Variants in SYT1 observed in about 807,000 individuals in gnomAD.
SYT1 encodes synaptotagmin 1.
SYT1 carries 8 observed loss-of-function variants against 44.8 expected under a neutral mutation model. That is an observed-to-expected ratio of 0.18 (90% confidence interval 0.10 to 0.32). The LOEUF (loss-of-function observed/expected upper bound fraction) is 0.32. Ranked by LOEUF, SYT1 falls within the 10% of genes least tolerant of loss-of-function variation. SYT1 has a pLI of 1.00. For synonymous variants in SYT1, 154 were observed against 188.8 expected (o/e 0.82, Z 1.51); for missense variants, 286 against 509.3 (o/e 0.56, Z 4.22).
At chr12:78,923,556 A>T (rs895623117) in intron 1 of SYT1, among the ~76,000 whole-genome samples, 22 of 104,494 alleles carry the variant, frequency 2.1e-4, no homozygotes, top group East Asian at 7.8e-4. Flanking sequence ...AGAACTATTT[A>T]AAAAAAATTT....
intron 3 of SYT1, among the ~76,000 whole-genome samples, chr12:79,210,644 T>G (rs940568511): frequency 1.1e-4 from 17 of 152,192 alleles, no homozygotes; most frequent in African/African-American, 3.9e-4. Context: ...TATCCACTCA[T>G]TGATTGATGG....
In SYT1 at chr12:79,361,043, C is replaced by T. The variant is rs117856264; in HGVS notation, c.928+7424C>T. On this transcript the variant is annotated intron_variant, in intron 9 of 10. Coordinates refer to ENST00000261205, the MANE Select transcript of SYT1 (RefSeq NM_005639.3). ...TTGTTCAGAAGAGTTAGCCCAAAAA[C>T]TCCTAAGTAGATTCTTTAGCCAGCA... is the stretch of plus-strand genomic sequence containing the variant. 9.9e-5 allele frequency among the ~76,000 whole-genome samples: 15 copies of T among 152,272 alleles called. No individual in the cohort carries two copies. The East Asian group carries it at 2.3e-3, about 24-fold the overall frequency.
chr12:79,397,598 T>G (rs990416215), intron 9 of SYT1, among the ~76,000 whole-genome samples: 4 of 152,148 alleles, frequency 2.6e-5, no homozygotes, highest in African/African-American at 9.7e-5. Flanking sequence ...TGTGTGGAAG[T>G]TGGCCTGAAG....
At chr12:78,950,226 C>A (rs1175518648) in intron 1 of SYT1, among the ~76,000 whole-genome samples, 1 of 152,026 alleles carries the variant, frequency 6.6e-6, no homozygotes, top group Admixed American at 6.6e-5. Context: ...GAGGCATAAG[C>A]ATTTTATATC....
At chr12:78,864,033 T>C, upstream of SYT1, 1 of 152,302 alleles carries the variant, frequency 6.6e-6, no homozygotes, top group Non-Finnish European at 1.5e-5. Context: ...GTCCCCAGGC[T>C]TCCAGCAAAG....
At chr12:78,918,266 G>T (rs1211000706) in intron 1 of SYT1, among the ~76,000 whole-genome samples, 1 of 152,044 alleles carries the variant, frequency 6.6e-6, no homozygotes, top group Admixed American at 6.6e-5. Flanking sequence ...CAGGGAAGAG[G>T]CCAGGAAAGC....
chr12:79,414,791 A>G (rs1868632328), intron 9 of SYT1, among the ~76,000 whole-genome samples: 2 of 152,196 alleles, frequency 1.3e-5, no homozygotes, highest in Admixed American at 1.3e-4. Flanking sequence ...AATGAGGGCT[A>G]CAAGAATCAC....
intron 2 of SYT1, among the ~76,000 whole-genome samples, chr12:78,994,737 T>G (rs1009091794): frequency 3.8e-4 from 58 of 151,806 alleles, no homozygotes; most frequent in African/African-American, 1.4e-3. Flanking sequence ...GGGTTTCACC[T>G]TCTTGGCCAG....
intron 1 of SYT1, among the ~76,000 whole-genome samples, chr12:78,926,367 T>G (rs1400232230): frequency 6.6e-6 from 1 of 152,090 alleles, no homozygotes; most frequent in African/African-American, 2.4e-5. Flanking sequence ...TAACTAGTGA[T>G]TCTAATACGT....
intron 3 of SYT1, among the ~76,000 whole-genome samples, chr12:79,211,040 T>G (rs943712328): frequency 4.6e-5 from 7 of 152,080 alleles, no homozygotes; most frequent in Non-Finnish European, 8.8e-5. Context: ...TTTTTGTAAT[T>G]TAAAATAATT....
chr12:79,359,957 A>G (rs1426377771), intron 9 of SYT1, among the ~76,000 whole-genome samples: 2 of 152,162 alleles, frequency 1.3e-5, no homozygotes, highest in Admixed American at 6.5e-5. Context: ...AACCCCATCA[A>G]AATCACCTAG....
chr12:79,263,656 G>C (rs898612158), intron 4 of SYT1, among the ~76,000 whole-genome samples: 2 of 152,110 alleles, frequency 1.3e-5, no homozygotes, highest in Admixed American at 1.3e-4. Flanking sequence ...TCTTGATTTA[G>C]ATGGTTACAT....
At chr12:79,349,807 T>G (rs1393618045) in intron 8 of SYT1, among the ~76,000 whole-genome samples, 1 of 152,184 alleles carries the variant, frequency 6.6e-6, no homozygotes, top group Non-Finnish European at 1.5e-5. Context: ...ATTAAATGTT[T>G]ATAAATTACT....
intron 1 of SYT1, among the ~76,000 whole-genome samples, chr12:78,876,762 ATATT>A (rs1874119726): frequency 4.4e-5 from 4 of 90,752 alleles, no homozygotes; most frequent in African/African-American, 1.8e-4. Flanking sequence ...TATATTATAT[ATATT>A]ATATATTTAT....
At chr12:79,322,195 A>G (rs910623566) in intron 8 of SYT1, among the ~76,000 whole-genome samples, 1 of 152,202 alleles carries the variant, frequency 6.6e-6, no homozygotes, top group Non-Finnish European at 1.5e-5. Context: ...AAGTTCTGGC[A>G]TGCCTAAACA....
At chr12:79,342,392 C>T (rs1334437847) in intron 8 of SYT1, among the ~76,000 whole-genome samples, 3 of 149,690 alleles carry the variant, frequency 2.0e-5, no homozygotes, top group African/African-American at 5.1e-5. Context: ...CCACCATGCC[C>T]GGCTATTTTT....
intron 3 of SYT1, among the ~76,000 whole-genome samples, chr12:79,193,862 ATTGTT>A (rs1283416086): frequency 6.6e-6 from 1 of 152,094 alleles, no homozygotes; most frequent in African/African-American, 2.4e-5. Flanking sequence ...TTCACTTTGT[ATTGTT>A]TTATTTTTTC....
chr12:79,211,180 CTT>C (rs888169617), intron 3 of SYT1, among the ~76,000 whole-genome samples: 2 of 152,070 alleles, frequency 1.3e-5, no homozygotes. Flanking sequence ...AAACTGGACA[CTT>C]TATATACTGT....
In SYT1 at chr12:79,137,066, A is replaced by C. The variant is rs574428444; in HGVS notation, c.-17-80437A>C. ...CTAACATTTATTATTCAATAAATTGATATGTTCCAAATACTATACTTGGAA... is the reference window on the plus strand; with the variant it reads ...CTAACATTTATTATTCAATAAATTGCTATGTTCCAAATACTATACTTGGAA... On this transcript the variant is annotated intron_variant, in intron 3 of 10. Coordinates refer to ENST00000261205, the MANE Select transcript of SYT1 (RefSeq NM_005639.3). 9.9e-5 allele frequency among the ~76,000 whole-genome samples: 15 copies of C among 152,154 alleles called. No individual in the cohort carries two copies. In the East Asian group the frequency reaches 2.3e-3, roughly 24 times the overall value.
Sources: allele counts gnomAD v4.1 joint callset (sites outside exome capture counted in the v4.1 genomes callset), GRCh38; gene constraint gnomAD v4.1.1; transcripts MANE v1.5; gene names NCBI Gene and HGNC (gene_info 2026-07-23, HGNC 2026-07-21).